ZDHHC15: variants seen among roughly 807,000 people sequenced by gnomAD.
The protein encoded by ZDHHC15 is zDHHC palmitoyltransferase 15.
In ZDHHC15, 19 loss-of-function variants were observed where a neutral mutation model predicts 31.7. That is an observed-to-expected ratio of 0.60 (90% CI 0.42 to 0.88). The LOEUF (loss-of-function observed/expected upper bound fraction) is 0.88. ZDHHC15 is among the 40% of genes least tolerant of loss of function. The pLI is 0.00. For synonymous variants in ZDHHC15, 103 were observed against 90.0 expected (o/e 1.14, Z -0.82); for missense variants, 209 against 251.2 (o/e 0.83, Z 1.14).
In ZDHHC15 at chrX:75,416,401, C is replaced by G. The variant is rs373599140; in HGVS notation, c.967+686G>C. Among the ~76,000 whole-genome samples the G allele has an allele frequency of 5.4e-5, 6 of 112,091 alleles. No individual in the cohort carries two copies. The South Asian group carries it at 2.2e-3, about 42-fold the overall frequency. On this transcript the variant is annotated intron_variant, in intron 10 of 11. Transcript: ENST00000373367. ...TGGGAACAGTAGCCAAAACTACTTT[C>G]TAATGGTTGGTATTAGCAACATAAG...
chrX:75,518,387 A>AT (rs1272373360), intron 1 of ZDHHC15, among the ~76,000 whole-genome samples: 3 of 110,968 alleles, frequency 2.7e-5, no homozygotes, highest in East Asian at 2.8e-4. Context: ...GATACTCAAT[A>AT]TTTTTTTCAT....
intron 10 of ZDHHC15, among the ~76,000 whole-genome samples, chrX:75,393,385 A>G (rs2083266733): frequency 9.0e-6 from 1 of 111,287 alleles, no homozygotes; most frequent in African/African-American, 3.3e-5. Context: ...CCTTGAGTTC[A>G]TCATTTTCCT....
intron 4 of ZDHHC15, among the ~76,000 whole-genome samples, chrX:75,434,172 A>G (rs761484554): frequency 1.8e-5 from 2 of 111,480 alleles, no homozygotes; most frequent in South Asian, 7.6e-4. Flanking sequence ...TCCTTAGCCC[A>G]CTTTTTGATG....
At chrX:75,416,895 G>C (rs111946160) in intron 10 of ZDHHC15, among the ~76,000 whole-genome samples, 192 bp downstream of exon 10, 1 of 111,383 alleles carries the variant, frequency 9.0e-6, no homozygotes, top group African/African-American at 3.3e-5. Context: ...CTGGTAAGGA[G>C]CCTCCCAAGC....
intron 4 of ZDHHC15, among the ~76,000 whole-genome samples, chrX:75,434,103 G>T (rs2083818802): frequency 8.9e-6 from 1 of 111,825 alleles, no homozygotes; most frequent in African/African-American, 3.2e-5. Flanking sequence ...GTGATGTTGA[G>T]AATATTTTCA....
chrX:75,384,631 A>G (rs1328657159), intron 10 of ZDHHC15: 17 of 855,814 alleles, frequency 2.0e-5, no homozygotes, highest in Non-Finnish European at 2.9e-5. Flanking sequence ...TATTGAGCAC[A>G]TTAAGCACTC....
chrX:75,483,399 C>A (rs1017004767), intron 2 of ZDHHC15, among the ~76,000 whole-genome samples: 26 of 109,161 alleles, frequency 2.4e-4, no homozygotes, highest in African/African-American at 7.7e-4. Flanking sequence ...AAAGTAAGAC[C>A]CTATCACTAC....
At chrX:75,432,990 T>TAA (rs371713459) in intron 4 of ZDHHC15, among the ~76,000 whole-genome samples, 4 of 103,275 alleles carry the variant, frequency 3.9e-5, no homozygotes, top group African/African-American at 1.1e-4. Context: ...TTTCTAAAAA[T>TAA]AAAAAAAAAA....
At chrX:75,391,660 G>C (rs1228465201) in intron 10 of ZDHHC15, among the ~76,000 whole-genome samples, 1 of 111,981 alleles carries the variant, frequency 8.9e-6, no homozygotes, top group African/African-American at 3.2e-5. Context: ...AACTTTCCCA[G>C]AAAAACAAAA....
chrX:75,404,927 C>G (rs1384118919), intron 10 of ZDHHC15, among the ~76,000 whole-genome samples: 1 of 111,947 alleles, frequency 8.9e-6, no homozygotes, highest in Non-Finnish European at 1.9e-5. Context: ...CACATGCACA[C>G]AAATGTTCAC....
intron 2 of ZDHHC15, among the ~76,000 whole-genome samples, chrX:75,497,339 A>C (rs1300654841): frequency 8.9e-6 from 1 of 111,797 alleles, no homozygotes; most frequent in African/African-American, 3.2e-5. Context: ...AGAAAGAGTA[A>C]CAAAAAAATG....
intron 3 of ZDHHC15, among the ~76,000 whole-genome samples, chrX:75,453,321 C>G (rs1229627137): frequency 9.0e-6 from 1 of 110,592 alleles, no homozygotes; most frequent in Non-Finnish European, 1.9e-5. Flanking sequence ...ACACATATAC[C>G]CTCCCAAGAC....
chrX:75,433,117 T>C (rs1168477511), intron 4 of ZDHHC15, among the ~76,000 whole-genome samples: 1 of 112,084 alleles, frequency 8.9e-6, no homozygotes, highest in African/African-American at 3.2e-5. Flanking sequence ...GCCTATCTCT[T>C]CAAATGAATC....
intron 3 of ZDHHC15, among the ~76,000 whole-genome samples, chrX:75,459,758 T>C (rs2084282983): frequency 8.9e-6 from 1 of 112,198 alleles, no homozygotes; most frequent in Non-Finnish European, 1.9e-5. Context: ...AGAGTGAAAA[T>C]TGTCCCGATG....
chrX:75,457,999 A>G (rs1435193313), intron 3 of ZDHHC15, among the ~76,000 whole-genome samples: 1 of 111,272 alleles, frequency 9.0e-6, no homozygotes, highest in Non-Finnish European at 1.9e-5. Flanking sequence ...CTGAGGAACA[A>G]CTATATTTAT....
intron 10 of ZDHHC15, among the ~76,000 whole-genome samples, chrX:75,407,154 A>T (rs939631246): frequency 9.3e-6 from 1 of 107,673 alleles, no homozygotes; most frequent in Non-Finnish European, 1.9e-5. Flanking sequence ...ATCGTCTGAG[A>T]TGTGGGGAGT....
Position 75,443,212 on chromosome X carries a change from C to A in ZDHHC15, c.379+7590G>T, listed in dbSNP as rs754464285. Among the ~76,000 whole-genome samples, 12 of 109,947 alleles carry A rather than the reference C, an allele frequency of 1.1e-4. No homozygotes were observed. The South Asian group carries it at 1.2e-3, about 11-fold the overall frequency. On this transcript the variant is annotated intron_variant, in intron 4 of 11. Coordinates refer to ENST00000373367, the MANE Select transcript of ZDHHC15 (RefSeq NM_144969.3). ...GCATCATGCTACCTGACTTCAAACT[C>A]TACTACAAGGCTACAGTAACCAAAA... is the stretch of plus-strand genomic sequence containing the variant.
At chrX:75,453,458 G>C (rs1245840516) in intron 3 of ZDHHC15, among the ~76,000 whole-genome samples, 1 of 111,237 alleles carries the variant, frequency 9.0e-6, no homozygotes, top group African/African-American at 3.3e-5. Context: ...TTCTACCAGA[G>C]GTACAAAGAG....
chrX:75,382,106 T>A (rs888746357), intron 10 of ZDHHC15, among the ~76,000 whole-genome samples: 1 of 112,234 alleles, frequency 8.9e-6, no homozygotes, highest in Non-Finnish European at 1.9e-5. Context: ...ACCATTTTTA[T>A]GGCAATGAGC....
Sources: gnomAD v4.1 joint callset for allele counts (sites outside exome capture counted in the v4.1 genomes callset) on GRCh38, gnomAD v4.1.1 for gene constraint, MANE v1.5 for transcripts, NCBI Gene and HGNC (gene_info 2026-07-23, HGNC 2026-07-21) for gene names.